PDYN: variants seen among roughly 807,000 people sequenced by gnomAD.
PDYN encodes the protein prodynorphin.
PDYN carries 5 observed loss-of-function variants against 11.4 expected under a neutral mutation model. That is an observed-to-expected ratio of 0.44 (90% CI 0.23 to 0.92). PDYN has a LOEUF of 0.92. Among genes scored for constraint, PDYN ranks in the 40% least tolerant of loss-of-function variants. The pLI, the probability that PDYN is intolerant of heterozygous loss-of-function variation, is 0.24. For synonymous variants in PDYN, 132 were observed against 129.5 expected, an observed-to-expected ratio of 1.02 and a Z score of -0.13; for missense variants, 337 against 317.3, an observed-to-expected ratio of 1.06 and a Z score of -0.47.
At chr20:1,990,081 G>A (rs1988368655) in intron 2 of PDYN, among the ~76,000 whole-genome samples, 2 of 152,164 alleles carry the variant, frequency 1.3e-5, no homozygotes, top group African/African-American at 2.4e-5. Context: ...TATGAGAAGG[G>A]ACAAGCTCTT....
rs199609910 is a variant in PDYN, at chr20:1,980,939, T to C, written c.149A>G (p.Gln50Arg). The C allele has an allele frequency of 2.1e-5, 34 of 1,614,134 alleles. No individual in the cohort carries two copies. The highest frequency in any genetic ancestry group is 2.8e-5 in the Non-Finnish European group (33 of 1,180,030). Residue 50 changes from glutamine to arginine, a missense_variant, in exon 4 of 4, where the codon CAG becomes CGG. Coordinates refer to ENST00000217305, the MANE Select transcript of PDYN (RefSeq NM_024411.5). The stretch of plus-strand genomic sequence containing the variant: ...TTCCTCAGAGGGCAGCAGGGCAGCC[T>C]GGCATTGCAGGGAGCAAATCTGCAA... ...INPLICSLQC[Q>R]AALLPSEEWE...
intron 3 of PDYN, among the ~76,000 whole-genome samples, chr20:1,981,230 G>A (rs1018949853): frequency 2.2e-4 from 33 of 152,178 alleles, no homozygotes; most frequent in African/African-American, 4.8e-4. Flanking sequence ...AGATCTTCCC[G>A]TAGTGTTCTG....
At chr20:1,981,031 G>A in intron 3 of PDYN, 73 bp from the exon 4 acceptor site, 2 of 1,576,066 alleles carry the variant, frequency 1.3e-6, no homozygotes, top group Non-Finnish European at 1.7e-6. Context: ...AGGCTCCCCT[G>A]TCCAGTGTCT....
chr20:1,979,121 T>A lies in PDYN; in HGVS notation c.*1202A>T, dbSNP rs1987553887. Reference sequence around the variant, plus strand: ...ACATCAGGAGGTCTCTGCCTCTGATTCAGGGTTATTTGAATCAAGGGAACT... The same window carrying A: ...ACATCAGGAGGTCTCTGCCTCTGATACAGGGTTATTTGAATCAAGGGAACT... On this transcript the variant is annotated 3_prime_UTR_variant, in exon 4 of 4. Coordinates refer to ENST00000217305, the MANE Select transcript of PDYN (RefSeq NM_024411.5). 6.6e-6 allele frequency: 1 copy of A among 152,240 alleles called. No homozygotes were observed. The allele number at this position is 152,240 out of a possible 1,614,324, so 9.4% of individuals were successfully genotyped here.
chr20:1,990,379 G>T (rs933233970), intron 2 of PDYN, among the ~76,000 whole-genome samples: 2 of 152,168 alleles, frequency 1.3e-5, no homozygotes, highest in Admixed American at 6.5e-5. Context: ...CCCCACACTC[G>T]AAAGTGTAAA....
In PDYN at chr20:1,980,583, T is replaced by C; in HGVS notation, c.505A>G (p.Lys169Glu). ...CCCCCATAGCGTTTGACCTGCTCCT[T>C]GGGGTCCTCCTCAGCGAGATAGAGT... is the stretch of plus-strand genomic sequence containing the variant. ...GTLYLAEEDPKEQVKRYGGFL... is the reference protein window; with the variant it reads ...GTLYLAEEDPEEQVKRYGGFL... The change falls in exon 4 of 4, where the codon AAG becomes GAG. Residue 169 changes from lysine to glutamate, a missense_variant. Transcript: ENST00000217305. 1 of 1,614,146 alleles carries C rather than the reference T, an allele frequency of 6.2e-7. No individual in the cohort carries two copies. Among genetic ancestry groups the C allele is most frequent in the Non-Finnish European group, 8.5e-7 (1 of 1,180,028 alleles).
rs761883755 is a variant in PDYN, at chr20:1,980,767, C to G, written c.321G>C (p.Glu107Asp). Residue 107 changes from glutamate to aspartate, a missense_variant, in exon 4 of 4, where the codon GAG becomes GAC. By Grantham distance (45) the Glu-to-Asp change is conservative. Transcript: ENST00000217305. ...AGATACTTGGGAGAAACTTGCTTTTCTCCAGCTCCTTCAGGAATGACCCAG... is the reference window on the plus strand; with the variant it reads ...AGATACTTGGGAGAAACTTGCTTTTGTCCAGCTCCTTCAGGAATGACCCAG... Reference protein sequence around the residue: ...KLSGSFLKELEKSKFLPSIST... With the variant: ...KLSGSFLKELDKSKFLPSIST... 3 of 1,614,188 alleles carry G rather than the reference C, an allele frequency of 1.9e-6. No homozygotes were observed. The highest frequency in any genetic ancestry group is 2.5e-6 in the Non-Finnish European group (3 of 1,180,032).
chr20:1,986,271 G>C (rs1240203635), intron 2 of PDYN, among the ~76,000 whole-genome samples: 4 of 152,110 alleles, frequency 2.6e-5, no homozygotes, highest in Non-Finnish European at 4.4e-5. Context: ...TTCCTACCAG[G>C]CTGTCTGGCT....
At position 1,980,675 on chromosome 20, in the gene PDYN, C is replaced by T. The variant is rs1987703254; in HGVS notation, c.413G>A (p.Arg138Lys). Residue 138 changes from arginine (R) to lysine (K), a missense_variant, in exon 4 of 4, where the codon AGG becomes AAG. Transcript: ENST00000217305. ...CATCAGCTCAGACTCTGCTCCCTCCCTAAACCCGTCAGAGAGACCCCTGAG... is the reference window on the plus strand; with the variant it reads ...CATCAGCTCAGACTCTGCTCCCTCCTTAAACCCGTCAGAGAGACCCCTGAG... ...EKLRGLSDGF[R>K]EGAESELMRD... is the part of the protein sequence containing the mutation. 1 of 1,614,102 alleles carries T rather than the reference C, an allele frequency of 6.2e-7. No individual in the cohort carries two copies. The highest frequency in any genetic ancestry group is 1.3e-5 in the African/African-American group (1 of 74,936).
At chr20:1,991,756 C>A (rs1303124656) in intron 2 of PDYN, among the ~76,000 whole-genome samples, 1 of 152,134 alleles carries the variant, frequency 6.6e-6, no homozygotes, top group Non-Finnish European at 1.5e-5. Context: ...TGGAAGAGAT[C>A]TAATAAATAC....
At chr20:1,991,313 G>A (rs1043380136) in intron 2 of PDYN, among the ~76,000 whole-genome samples, 9 of 152,188 alleles carry the variant, frequency 5.9e-5, no homozygotes, top group Admixed American at 3.3e-4. Context: ...AAATTGCCTC[G>A]GTGCATATGT....
intron 2 of PDYN, among the ~76,000 whole-genome samples, chr20:1,991,142 C>A (rs1394853047): frequency 6.6e-6 from 1 of 152,166 alleles, no homozygotes; most frequent in East Asian, 1.9e-4. Flanking sequence ...AACACCAATT[C>A]TCTCCCTCCT....
intron 3 of PDYN, among the ~76,000 whole-genome samples, chr20:1,981,981 G>A (rs1291803941): frequency 6.9e-6 from 1 of 145,510 alleles, no homozygotes; most frequent in Non-Finnish European, 1.5e-5. Context: ...TCTGGCATGG[G>A]CTTGATAGCC....
intron 2 of PDYN, among the ~76,000 whole-genome samples, chr20:1,987,872 G>A (rs558678166): frequency 1.3e-5 from 2 of 152,346 alleles, no homozygotes; most frequent in African/African-American, 4.8e-5. Context: ...GCACATAGTA[G>A]GTGCTTTGGA....
In PDYN at chr20:1,980,855, T is replaced by C. The variant is rs1488884582; in HGVS notation, c.233A>G (p.Asp78Gly). 6.2e-7 allele frequency: 1 copy of C among 1,614,172 alleles called. No individual in the cohort carries two copies. The highest frequency in any genetic ancestry group is 2.2e-5 in the East Asian group (1 of 44,882). ...CGACTTGCTCCCCAAGTCCTCCTTG[T>C]CATTGAGCCCAAGGGTGGAGGGGGT... The part of the protein sequence containing the change: ...FFTPSTLGLN[D>G]KEDLGSKSVG... The change falls in exon 4 of 4, where the codon GAC (aspartate) becomes GGC (glycine). Residue 78 changes from aspartate to glycine, a missense_variant. Coordinates refer to ENST00000217305, the MANE Select transcript of PDYN (RefSeq NM_024411.5).
chr20:1,984,677 T>C (rs1482323916), intron 2 of PDYN, among the ~76,000 whole-genome samples: 1 of 152,138 alleles, frequency 6.6e-6, no homozygotes, highest in East Asian at 1.9e-4. Flanking sequence ...GGCGGACAGA[T>C]CACTTGAGTT....
intron 1 of PDYN, among the ~76,000 whole-genome samples, chr20:1,993,336 T>G (rs1004358514): frequency 6.6e-6 from 1 of 152,088 alleles, no homozygotes; most frequent in African/African-American, 2.4e-5. Context: ...AACTTCAACC[T>G]GTATCAAATT....
At chr20:1,981,931 A>AAAATAAAT (rs368706093) in intron 3 of PDYN, among the ~76,000 whole-genome samples, 28,454 of 143,444 alleles carry the variant, frequency 0.2, 3,410 homozygotes, top group African/African-American at 0.32. Context: ...GTCTCAAACA[A>AAAATAAAT]AAATAAATAA....
intron 3 of PDYN, among the ~76,000 whole-genome samples, chr20:1,981,794 T>C (rs1987812414): frequency 6.6e-6 from 1 of 151,866 alleles, no homozygotes; most frequent in East Asian, 1.9e-4. Flanking sequence ...GGTGTGGTGG[T>C]GTGCACCTGT....
Sources: allele counts gnomAD v4.1 joint callset (sites outside exome capture counted in the v4.1 genomes callset), GRCh38; gene constraint gnomAD v4.1.1; transcripts MANE v1.5; gene names NCBI Gene and HGNC (gene_info 2026-07-23, HGNC 2026-07-21).